The following NCKAP5 variants were observed in gnomAD, a reference collection of about 807,000 sequenced individuals.
The protein encoded by NCKAP5 is NCK associated protein 5, also known as nck-associated protein 5.
Under a neutral mutation model 167.0 loss-of-function variants are expected in NCKAP5, and 92 were observed. The observed-to-expected ratio is 0.55, with a 90% CI of 0.47 to 0.66. NCKAP5 has a LOEUF of 0.66. NCKAP5 is among the 30% of genes least tolerant of loss of function. NCKAP5 has a pLI of 0.00. For synonymous variants in NCKAP5, 891 were observed against 877.4 expected, an observed-to-expected ratio of 1.02 and a Z score of -0.27; for missense variants, 2,378 against 2,315.0, an observed-to-expected ratio of 1.03 and a Z score of -0.56.
intron 1 of NCKAP5, among the ~76,000 whole-genome samples, chr2:133,561,774 C>T (rs72994241): frequency 0.043 from 6,523 of 152,222 alleles, 499 homozygotes; most frequent in African/African-American, 0.15. Context: ...TAACTACTCA[C>T]AGAAGATGAA....
At chr2:133,603,585 A>G in the NCKAP5 span, among the ~76,000 whole-genome samples, 3 of 150,782 alleles carry the variant, frequency 2.0e-5, no homozygotes, top group Non-Finnish European at 2.9e-5. Context: ...CTTGTTGCCC[A>G]GGCTGTGCAA....
intron 6 of NCKAP5, among the ~76,000 whole-genome samples, chr2:133,042,902 T>C (rs963910257): frequency 6.6e-6 from 1 of 152,206 alleles, no homozygotes; most frequent in Non-Finnish European, 1.5e-5. Flanking sequence ...ATATAAATAA[T>C]TTTATATGAT....
intron 2 of NCKAP5, among the ~76,000 whole-genome samples, chr2:133,545,088 C>T (rs1363875557): frequency 6.6e-6 from 1 of 152,122 alleles, no homozygotes; most frequent in Non-Finnish European, 1.5e-5. Flanking sequence ...TATACAAAGT[C>T]CTGATCAGGC....
intron 5 of NCKAP5, among the ~76,000 whole-genome samples, chr2:133,198,407 A>C (rs2085531434): frequency 6.6e-6 from 1 of 152,100 alleles, no homozygotes; most frequent in South Asian, 2.1e-4. Context: ...TTGCCAGAGA[A>C]AGAAACTGGG....
rs564703365 is a variant in NCKAP5, at chr2:133,270,818, T to C, written c.143+32219A>G. 9.2e-5 allele frequency among the ~76,000 whole-genome samples: 14 copies of C among 152,138 alleles called. No individual in the cohort carries two copies. The East Asian group carries it at 2.7e-3, about 29-fold the overall frequency. On this transcript the variant is annotated intron_variant, in intron 4 of 19. Coordinates refer to ENST00000409261, the MANE Select transcript of NCKAP5 (RefSeq NM_207363.3). Reference sequence around the variant, plus strand: ...CATAGGGTGTACACCAAGTAACCAATGGGAAAACTCTAATTCTGTACTGGG... The same window carrying C: ...CATAGGGTGTACACCAAGTAACCAACGGGAAAACTCTAATTCTGTACTGGG...
the NCKAP5 span, among the ~76,000 whole-genome samples, chr2:133,594,659 A>G: frequency 1.3e-5 from 2 of 152,096 alleles, no homozygotes. Flanking sequence ...TCATCTACAA[A>G]AGGGAGGTCA....
intron 11 of NCKAP5, among the ~76,000 whole-genome samples, chr2:132,824,960 T>C (rs1687022330): frequency 6.6e-6 from 1 of 152,232 alleles, no homozygotes; most frequent in South Asian, 2.1e-4. Context: ...CAGCATGACC[T>C]ATCCTATTCT....
intron 3 of NCKAP5, among the ~76,000 whole-genome samples, chr2:133,309,976 C>A (rs1449319615): frequency 6.6e-6 from 1 of 152,156 alleles, no homozygotes; most frequent in South Asian, 2.1e-4. Flanking sequence ...ATAGAATCCC[C>A]AATTCACCTT....
chr2:132,838,066 C>T (rs533040925), intron 11 of NCKAP5, among the ~76,000 whole-genome samples: 2 of 152,290 alleles, frequency 1.3e-5, no homozygotes, highest in South Asian at 2.1e-4. Context: ...GAGCATGGAG[C>T]CCTCCTCTTT....
At chr2:133,124,726 GTGTT>G (rs2082348905) in intron 6 of NCKAP5, among the ~76,000 whole-genome samples, 1 of 152,198 alleles carries the variant, frequency 6.6e-6, no homozygotes, top group African/African-American at 2.4e-5. Flanking sequence ...CACAATAAAA[GTGTT>G]TGTTTCCTGT....
chr2:132,905,596 T>A (rs1292673579), intron 8 of NCKAP5, among the ~76,000 whole-genome samples: 1 of 152,218 alleles, frequency 6.6e-6, no homozygotes, highest in African/African-American at 2.4e-5. Context: ...TGGAACATGG[T>A]ATGTCTCTTT....
At chr2:132,865,248 C>T (rs946701727) in intron 10 of NCKAP5, among the ~76,000 whole-genome samples, 1 of 152,188 alleles carries the variant, frequency 6.6e-6, no homozygotes, top group African/African-American at 2.4e-5. Context: ...GGATACTGCA[C>T]AGGAAGTAGT....
chr2:133,538,150 C>G (rs1425089107), intron 2 of NCKAP5, among the ~76,000 whole-genome samples: 2 of 152,258 alleles, frequency 1.3e-5, no homozygotes, highest in East Asian at 3.9e-4. Flanking sequence ...TAAGGGGACT[C>G]CATGCAAACC....
At chr2:133,499,252 C>T (rs1018051132) in intron 3 of NCKAP5, among the ~76,000 whole-genome samples, 2 of 152,206 alleles carry the variant, frequency 1.3e-5, no homozygotes, top group Admixed American at 1.3e-4. Context: ...AATGAGCCAG[C>T]TTTCAGTAAG....
chr2:133,222,211 T>C (rs1343883795), intron 4 of NCKAP5, among the ~76,000 whole-genome samples: 1 of 152,108 alleles, frequency 6.6e-6, no homozygotes, highest in Non-Finnish European at 1.5e-5. Context: ...GTCAGTTATG[T>C]CTATTGATAC....
At chr2:132,992,903 C>T (rs1367722264) in intron 7 of NCKAP5, among the ~76,000 whole-genome samples, 1 of 152,202 alleles carries the variant, frequency 6.6e-6, no homozygotes, top group Non-Finnish European at 1.5e-5. Context: ...TTACTACCTT[C>T]TTGAAGTAGC....
At chr2:133,053,816 C>G (rs374711426) in intron 6 of NCKAP5, among the ~76,000 whole-genome samples, 1 of 152,314 alleles carries the variant, frequency 6.6e-6, no homozygotes, top group African/African-American at 2.4e-5. Context: ...TTAATTCTCC[C>G]TTTTCCTAAT....
At chr2:133,438,350 C>A (rs1001925548) in intron 3 of NCKAP5, among the ~76,000 whole-genome samples, 2 of 152,158 alleles carry the variant, frequency 1.3e-5, no homozygotes, top group African/African-American at 2.4e-5. Flanking sequence ...TTGAACAGTG[C>A]TTTGAGGCAG....
chr2:133,235,319 A>C (rs763283036), intron 4 of NCKAP5, among the ~76,000 whole-genome samples: 2 of 151,974 alleles, frequency 1.3e-5, no homozygotes, highest in African/African-American at 2.4e-5. Context: ...GACGCTCCAC[A>C]GCTCTTGGTG....
Sources: gnomAD v4.1 joint callset for allele counts (sites outside exome capture counted in the v4.1 genomes callset) on GRCh38, gnomAD v4.1.1 for gene constraint, MANE v1.5 for transcripts, NCBI Gene and HGNC (gene_info 2026-07-23, HGNC 2026-07-21) for gene names.